TNIK: variants seen among roughly 807,000 people sequenced by gnomAD.
TNIK encodes the protein TRAF2 and NCK-interacting protein kinase.
In TNIK, 49 loss-of-function variants were observed where a neutral mutation model predicts 191.3. The observed-to-expected ratio is 0.26, with a 90% confidence interval of 0.20 to 0.32. The LOEUF (loss-of-function observed/expected upper bound fraction) is 0.32. TNIK is among the 10% of genes least tolerant of loss of function. The pLI, the probability that TNIK is intolerant of heterozygous loss-of-function variation, is 1.00. For synonymous variants in TNIK, 594 were observed against 600.9 expected (o/e 0.99, Z 0.17); for missense variants, 1,155 against 1,702.3 (o/e 0.68, Z 5.66).
intron 2 of TNIK, among the ~76,000 whole-genome samples, chr3:171,338,407 G>A (rs769518957): frequency 1.7e-4 from 26 of 152,120 alleles, no homozygotes; most frequent in Non-Finnish European, 2.6e-4. Context: ...TCCCCCAAAA[G>A]CCAAACATTA....
chr3:171,063,815 C>A lies in TNIK; in HGVS notation c.*66G>T, dbSNP rs1718085805. On this transcript the variant is annotated 3_prime_UTR_variant, in exon 33 of 33. Coordinates refer to ENST00000436636, the MANE Select transcript of TNIK (RefSeq NM_015028.4). Reference sequence around the variant, plus strand: ...ATTCTGCCTCTAGACTGGCATAAGTCCACATGAGTTATGTTCTTTTAAATT... The same window carrying A: ...ATTCTGCCTCTAGACTGGCATAAGTACACATGAGTTATGTTCTTTTAAATT... 2.0e-6 allele frequency: 3 copies of A among 1,536,670 alleles called. No homozygotes were observed. Among genetic ancestry groups the A allele is most frequent in the Non-Finnish European group, 2.7e-6 (3 of 1,121,532 alleles).
intron 1 of TNIK, among the ~76,000 whole-genome samples, chr3:171,371,834 T>C (rs1284384010): frequency 1.3e-5 from 2 of 152,178 alleles, no homozygotes; most frequent in African/African-American, 4.8e-5. Flanking sequence ...TGCTTCCCAG[T>C]AGTTTGTTTG....
At position 171,166,439 on chromosome 3, in the gene TNIK, GA is replaced by G. The variant is rs1734630638; in HGVS notation, c.949+655del. 3.9e-5 allele frequency among the ~76,000 whole-genome samples: 6 copies of G among 152,296 alleles called. No individual in the cohort carries two copies. The South Asian group carries it at 1.2e-3, about 32-fold the overall frequency. On this transcript the variant is annotated intron_variant, in intron 10 of 32. Transcript: ENST00000436636. ...TTCAAAAAGGTAGGGTGCAGCCTGA[GA>G]CTCCAAGTTTGGACTCATGTTCTTT... is the stretch of plus-strand genomic sequence containing the variant.
At chr3:171,352,374 A>G (rs960515872) in intron 2 of TNIK, among the ~76,000 whole-genome samples, 2 of 152,354 alleles carry the variant, frequency 1.3e-5, no homozygotes, top group South Asian at 2.1e-4. Flanking sequence ...GAGGGAGACC[A>G]TTATTCCATA....
intron 7 of TNIK, among the ~76,000 whole-genome samples, chr3:171,182,396 C>T (rs974694486): frequency 6.6e-6 from 1 of 152,060 alleles, no homozygotes; most frequent in Non-Finnish European, 1.5e-5. Context: ...CCAATTACCA[C>T]TGGCAAGACA....
At chr3:171,101,850 A>C in intron 21 of TNIK, 1 of 526,314 alleles carries the variant, frequency 1.9e-6, no homozygotes, top group Non-Finnish European at 3.3e-6. Flanking sequence ...TTCAAAACCA[A>C]TAGCTAGACT....
At chr3:171,183,339 C>T (rs969011129) in intron 7 of TNIK, among the ~76,000 whole-genome samples, 5 of 152,222 alleles carry the variant, frequency 3.3e-5, no homozygotes, top group Admixed American at 2.6e-4. Flanking sequence ...AGCAGCACGG[C>T]AGTCCACAGT....
chr3:171,093,902 C>T lies in TNIK; in HGVS notation c.2658G>A (p.Glu886=), dbSNP rs761881775. The part of the protein sequence containing the change: ...NVGMVGTHGL[E]TSHADSFSGS... ...CGCTGAAACTGTCCGCATGAGAGGT[C>T]TCCAGCCCATGCGTCCCCACCATTC... Residue 886 remains glutamate, a synonymous_variant, in exon 23 of 33, where the codon GAG becomes GAA. Transcript: ENST00000436636. 2 of 1,613,984 alleles carry T rather than the reference C, an allele frequency of 1.2e-6. No individual in the cohort carries two copies. The highest frequency in any genetic ancestry group is 1.7e-6 in the Non-Finnish European group (2 of 1,179,868).
intron 11 of TNIK, among the ~76,000 whole-genome samples, chr3:171,160,914 G>A (rs965667313): frequency 2.0e-5 from 3 of 152,194 alleles, no homozygotes; most frequent in African/African-American, 4.8e-5. Flanking sequence ...ACGCAAGTCC[G>A]AAAATACCAC....
chr3:171,175,225 C>G (rs376290046), intron 9 of TNIK, 27 bp downstream of exon 9: 1 of 1,603,838 alleles, frequency 6.2e-7, no homozygotes, highest in African/African-American at 1.3e-5. Flanking sequence ...ACCCTTAGAT[C>G]TGCGAAACAT....
chr3:171,138,163 CAG>C, intron 15 of TNIK, 26 bp downstream of exon 15: 1 of 1,528,382 alleles, frequency 6.5e-7, no homozygotes, highest in Non-Finnish European at 8.8e-7. Flanking sequence ...GCCTGGCCAA[CAG>C]GGTGAGGCTA....
chr3:171,431,786 C>G (rs999805807), intron 1 of TNIK, among the ~76,000 whole-genome samples: 2 of 152,152 alleles, frequency 1.3e-5, no homozygotes, highest in African/African-American at 4.8e-5. Context: ...AATTCAAACA[C>G]ATGAAGATTA....
chr3:171,213,664 A>C (rs772331602), intron 3 of TNIK, among the ~76,000 whole-genome samples: 4 of 152,196 alleles, frequency 2.6e-5, no homozygotes, highest in Non-Finnish European at 5.9e-5. Flanking sequence ...AAGTCAGTAC[A>C]TTCTCCATCA....
intron 1 of TNIK, among the ~76,000 whole-genome samples, chr3:171,456,531 T>C (rs1728817107): frequency 6.6e-6 from 1 of 152,184 alleles, no homozygotes; most frequent in Non-Finnish European, 1.5e-5. Flanking sequence ...ATAACATGTA[T>C]GTTTATACTG....
At chr3:171,243,962 C>T (rs1467624880) in intron 2 of TNIK, among the ~76,000 whole-genome samples, 2 of 151,960 alleles carry the variant, frequency 1.3e-5, no homozygotes, top group East Asian at 3.9e-4. Flanking sequence ...CCAGAGTATT[C>T]TTCCTTAATT....
chr3:171,210,567 A>G (rs1444105989), intron 4 of TNIK, among the ~76,000 whole-genome samples: 5 of 152,178 alleles, frequency 3.3e-5, no homozygotes, highest in Admixed American at 2.6e-4. Context: ...CAGACACTGT[A>G]TTAGGTATTT....
chr3:171,073,122 A>G (rs1366596635), intron 28 of TNIK, among the ~76,000 whole-genome samples: 1 of 152,204 alleles, frequency 6.6e-6, no homozygotes, highest in Non-Finnish European at 1.5e-5. Context: ...ACAAAGTTGA[A>G]GGTATCACAT....
At chr3:171,212,960 T>G (rs1741018499) in intron 3 of TNIK, among the ~76,000 whole-genome samples, 1 of 152,184 alleles carries the variant, frequency 6.6e-6, no homozygotes, top group East Asian at 1.9e-4. Context: ...AGCTGAAGAC[T>G]AGGTAATCTC....
At chr3:171,334,046 T>G (rs944684595) in intron 2 of TNIK, among the ~76,000 whole-genome samples, 1 of 151,826 alleles carries the variant, frequency 6.6e-6, no homozygotes, top group Non-Finnish European at 1.5e-5. Flanking sequence ...CTAAACCACC[T>G]CCCACCAACA....
Sources: allele counts gnomAD v4.1 joint callset (sites outside exome capture counted in the v4.1 genomes callset), GRCh38; gene constraint gnomAD v4.1.1; transcripts MANE v1.5; gene names NCBI Gene and HGNC (gene_info 2026-07-23, HGNC 2026-07-21).